Variants in CX3CR1 observed in about 807,000 individuals in gnomAD.
CX3CR1 encodes C-X3-C motif chemokine receptor 1.
For missense variants in CX3CR1, 363 were observed against 432.4 expected (o/e 0.84, Z 1.42); for synonymous variants, 168 against 178.5 (o/e 0.94, Z 0.47).
At chr3:39,271,336 C>T (rs2040773292) in intron 1 of CX3CR1, among the ~76,000 whole-genome samples, 1 of 152,134 alleles carries the variant, frequency 6.6e-6, no homozygotes, top group Non-Finnish European at 1.5e-5. Context: ...GCTAGGAAGC[C>T]TTGAACTCTG....
upstream of CX3CR1, among the ~76,000 whole-genome samples, chr3:39,283,961 A>C (rs114238406): frequency 0.017 from 2,623 of 151,348 alleles, 73 homozygotes; most frequent in African/African-American, 0.06. Flanking sequence ...AAAGAGTATG[A>C]TTGGATTGTG....
intron 1 of CX3CR1, among the ~76,000 whole-genome samples, chr3:39,276,907 G>T (rs2040846662): frequency 6.6e-6 from 1 of 152,160 alleles, no homozygotes; most frequent in African/African-American, 2.4e-5. Context: ...TGTGGGAGAG[G>T]AAGAGGCTGT....
At chr3:39,281,644 T>G, upstream of CX3CR1, 3 of 1,599,224 alleles carry the variant, frequency 1.9e-6, no homozygotes, top group Non-Finnish European at 2.5e-6. Flanking sequence ...GCCAGAGAGC[T>G]CTTCCTGAAA....
chr3:39,289,093 G>T, the CX3CR1 span, among the ~76,000 whole-genome samples: 4 of 151,988 alleles, frequency 2.6e-5, no homozygotes, highest in Non-Finnish European at 5.9e-5. Flanking sequence ...GGTGGAGGTT[G>T]CAGTGAGCTG....
chr3:39,280,377 G>A (rs533569982), upstream of CX3CR1: 34 of 985,462 alleles, frequency 3.5e-5, no homozygotes, highest in Non-Finnish European at 3.9e-5. Context: ...CCCTGCCCAC[G>A]AGAGGGAGCC....
upstream of CX3CR1, chr3:39,281,638 G>A: frequency 6.3e-7 from 1 of 1,599,286 alleles, no homozygotes. Flanking sequence ...CCAGAAGCCA[G>A]AGAGCTCTTC....
the CX3CR1 span, among the ~76,000 whole-genome samples, chr3:39,289,413 T>TTC: frequency 6.6e-6 from 1 of 152,190 alleles, no homozygotes; most frequent in African/African-American, 2.4e-5. Flanking sequence ...GTGGAGCCTC[T>TTC]CAGAGTAGCC....
At chr3:39,279,220 G>C (rs1366659425) in intron 1 of CX3CR1, among the ~76,000 whole-genome samples, 2 of 151,554 alleles carry the variant, frequency 1.3e-5, no homozygotes, top group Non-Finnish European at 2.9e-5. Flanking sequence ...AAAACCCATA[G>C]ATGGTACAAA....
At chr3:39,273,321 G>T (rs2040801973) in intron 1 of CX3CR1, among the ~76,000 whole-genome samples, 1 of 152,234 alleles carries the variant, frequency 6.6e-6, no homozygotes, top group Non-Finnish European at 1.5e-5. Flanking sequence ...CCACTAGGTG[G>T]TCCACACTGC....
chr3:39,277,184 T>C (rs2040849310), intron 1 of CX3CR1, among the ~76,000 whole-genome samples: 1 of 152,220 alleles, frequency 6.6e-6, no homozygotes, highest in Non-Finnish European at 1.5e-5. Flanking sequence ...GCTAAAAAGC[T>C]GCACTTTGGC....
intron 1 of CX3CR1, among the ~76,000 whole-genome samples, chr3:39,271,202 G>A (rs1182142738): frequency 6.6e-6 from 1 of 152,152 alleles, no homozygotes; most frequent in Non-Finnish European, 1.5e-5. Flanking sequence ...ATTTGCAGAA[G>A]GATAAATATT....
upstream of CX3CR1, chr3:39,286,124 C>G (rs1018457174): frequency 6.6e-6 from 1 of 152,176 alleles, no homozygotes; most frequent in African/African-American, 2.4e-5. Flanking sequence ...TGTATGACTA[C>G]AGAAGTGACA....
At chr3:39,271,930 A>G (rs956336797) in intron 1 of CX3CR1, among the ~76,000 whole-genome samples, 1 of 152,200 alleles carries the variant, frequency 6.6e-6, no homozygotes, top group South Asian at 2.1e-4. Context: ...CTGGCAGCAG[A>G]TGCGAGTGTG....
rs79648891 is a variant in CX3CR1 at position 39,275,581 on chromosome 3, C to A, written c.-10+4373G>T. Among the ~76,000 whole-genome samples, 10 of 152,304 alleles carry A rather than the reference C, an allele frequency of 6.6e-5. No individual in the cohort carries two copies. The Middle Eastern group carries it at 0.01, about 155-fold the overall frequency. ...AACAGGTTGTATCTACTTGGCTATA[C>A]AAAAGGGGGAGATTTCTTTCTGTTC... is the stretch of plus-strand genomic sequence containing the variant. On this transcript the variant is annotated intron_variant, in intron 1 of 1. Transcript: ENST00000399220.
At chr3:39,285,281 G>C (rs547674590), upstream of CX3CR1, among the ~76,000 whole-genome samples, 11 of 151,960 alleles carry the variant, frequency 7.2e-5, no homozygotes, top group African/African-American at 2.7e-4. Context: ...ATGGGAGGCT[G>C]AGATGGGAGG....
At chr3:39,283,826 T>TATA (rs2040926931), upstream of CX3CR1, among the ~76,000 whole-genome samples, 1 of 120,644 alleles carries the variant, frequency 8.3e-6, no homozygotes, top group African/African-American at 3.1e-5. Context: ...TATATATATA[T>TATA]ATATATATAT....
chr3:39,287,130 G>A, the CX3CR1 span: 2 of 152,080 alleles, frequency 1.3e-5, no homozygotes, highest in Non-Finnish European at 1.5e-5. Flanking sequence ...CAACAAAATG[G>A]CTGTGCTAAG....
intron 1 of CX3CR1, among the ~76,000 whole-genome samples, chr3:39,267,847 T>C (rs754874811): frequency 1.3e-5 from 2 of 152,236 alleles, no homozygotes; most frequent in African/African-American, 2.4e-5. Flanking sequence ...TTCTGCAGGC[T>C]GCACTCCCCT....
intron 1 of CX3CR1, among the ~76,000 whole-genome samples, chr3:39,275,016 C>T (rs534856247): frequency 0.011 from 1,637 of 152,228 alleles, 23 homozygotes; most frequent in African/African-American, 0.038. Flanking sequence ...CGCCCACCAC[C>T]ATGCCCAGCT....
Sources: allele counts gnomAD v4.1 joint callset (sites outside exome capture counted in the v4.1 genomes callset), GRCh38; gene constraint gnomAD v4.1.1; transcripts MANE v1.5; gene names NCBI Gene and HGNC (gene_info 2026-07-23, HGNC 2026-07-21).